The following MED12L variants were observed in gnomAD, a reference collection of about 807,000 sequenced individuals.
The protein encoded by MED12L is mediator of RNA polymerase II transcription subunit 12-like protein.
Under a neutral mutation model 281.3 loss-of-function variants are expected in MED12L, and 60 were observed. The observed-to-expected ratio is 0.21, with a 90% CI of 0.17 to 0.26. MED12L has a LOEUF of 0.26. Ranked by LOEUF, MED12L falls within the 10% of genes least tolerant of loss-of-function variation. The pLI is 1.00. For missense variants in MED12L, 2,146 were observed against 2,680.9 expected, an observed-to-expected ratio of 0.80 and a Z score of 4.41; for synonymous variants, 974 against 987.2, an observed-to-expected ratio of 0.99 and a Z score of 0.25.
At chr3:151,173,447 GAA>G (rs1439816527) in intron 11 of MED12L, among the ~76,000 whole-genome samples, 1 of 151,926 alleles carries the variant, frequency 6.6e-6, no homozygotes, top group African/African-American at 2.4e-5. Flanking sequence ...TGTAATTTTG[GAA>G]AAAAGAGGAA....
chr3:151,328,971 C>T, intron 16 of MED12L: 1 of 1,612,522 alleles, frequency 6.2e-7, no homozygotes, highest in African/African-American at 1.3e-5. Flanking sequence ...CTGTTGAAGC[C>T]TTGCATCACT....
intron 41 of MED12L, 151 bp downstream of exon 41, chr3:151,411,658 TC>T: frequency 1.5e-6 from 1 of 677,302 alleles, no homozygotes. Context: ...TTTAGTAGTA[TC>T]CAGATAGAGG....
At chr3:151,156,431 A>T (rs952685646) in intron 6 of MED12L, 101 bp downstream of exon 6, 55 of 1,116,586 alleles carry the variant, frequency 4.9e-5, no homozygotes, top group Non-Finnish European at 6.8e-5. Context: ...TTTTACATGA[A>T]CCAATACATT....
At chr3:151,125,622 C>A (rs1424215283) in intron 4 of MED12L, among the ~76,000 whole-genome samples, 1 of 152,122 alleles carries the variant, frequency 6.6e-6, no homozygotes, top group East Asian at 1.9e-4. Context: ...ACAGTCTCAC[C>A]TTGACAATGA....
At chr3:151,328,992 T>A in intron 16 of MED12L, 1 of 1,598,258 alleles carries the variant, frequency 6.3e-7, no homozygotes, top group Middle Eastern at 1.7e-4. Flanking sequence ...GTGGTGTTCA[T>A]TGCTTCCAGT....
chr3:151,220,242 G>A (rs375886624), intron 16 of MED12L, among the ~76,000 whole-genome samples: 1 of 151,640 alleles, frequency 6.6e-6, no homozygotes, highest in Non-Finnish European at 1.5e-5. Flanking sequence ...TGAGACTAAT[G>A]TGTGGACTTT....
chr3:151,213,681 TTTCTTTGTGATAGCAG>T, intron 16 of MED12L: 1 of 1,614,172 alleles, frequency 6.2e-7, no homozygotes, highest in Non-Finnish European at 8.5e-7. Flanking sequence ...ACTTAAAGAT[TTTCTTTGTGATAGCAG>T]TATAGAAAAC....
At chr3:151,105,787 G>A (rs1360436945) in intron 2 of MED12L, among the ~76,000 whole-genome samples, 1 of 152,108 alleles carries the variant, frequency 6.6e-6, no homozygotes, top group Non-Finnish European at 1.5e-5. Context: ...CTCTAGACCT[G>A]TATAGCTGAG....
intron 16 of MED12L, among the ~76,000 whole-genome samples, chr3:151,309,141 GCACACACACACACACA>G (rs1553775156): frequency 3.4e-5 from 5 of 147,508 alleles, no homozygotes; most frequent in Non-Finnish European, 3.0e-5. Flanking sequence ...ACACACACAC[GCACACACACACACACA>G]CAACGTTTCT....
chr3:151,201,587 T>C (rs1467735012), intron 16 of MED12L, among the ~76,000 whole-genome samples: 2 of 152,230 alleles, frequency 1.3e-5, no homozygotes, highest in African/African-American at 4.8e-5. Flanking sequence ...TCTGTTCTTA[T>C]TGGTCATCTT....
At chr3:151,095,482 C>T (rs571935168) in intron 2 of MED12L, among the ~76,000 whole-genome samples, 18 of 152,252 alleles carry the variant, frequency 1.2e-4, no homozygotes, top group African/African-American at 4.1e-4. Context: ...GGATTACAAG[C>T]GCATGCCACC....
At chr3:151,217,185 A>G (rs1440160371) in intron 16 of MED12L, among the ~76,000 whole-genome samples, 1 of 152,242 alleles carries the variant, frequency 6.6e-6, no homozygotes, top group Non-Finnish European at 1.5e-5. Context: ...CCTTTTAGAA[A>G]TATTGTAGAA....
At chr3:151,156,740 TACAA>T (rs1372922285) in intron 6 of MED12L, among the ~76,000 whole-genome samples, 3 of 152,138 alleles carry the variant, frequency 2.0e-5, no homozygotes, top group Non-Finnish European at 2.9e-5. Flanking sequence ...CAGCTGAAAA[TACAA>T]ACAGAGCTGA....
intron 36 of MED12L, among the ~76,000 whole-genome samples, chr3:151,387,353 T>A (rs1449293840): frequency 6.6e-6 from 1 of 152,170 alleles, no homozygotes; most frequent in African/African-American, 2.4e-5. Context: ...TCATGCAGAT[T>A]TGGATTGAAG....
chr3:151,171,936 C>T (rs975172330), intron 11 of MED12L, among the ~76,000 whole-genome samples: 1 of 152,160 alleles, frequency 6.6e-6, no homozygotes, highest in African/African-American at 2.4e-5. Flanking sequence ...TGCATGGGGC[C>T]CAGGAGATGC....
At chr3:151,230,472 A>G (rs1490837287) in intron 16 of MED12L, among the ~76,000 whole-genome samples, 1 of 152,162 alleles carries the variant, frequency 6.6e-6, no homozygotes, top group East Asian at 1.9e-4. Flanking sequence ...AAATTCTGAT[A>G]AACACTCCTT....
At chr3:151,300,335 A>G in intron 16 of MED12L, 1 of 581,288 alleles carries the variant, frequency 1.7e-6, no homozygotes, top group Non-Finnish European at 3.1e-6. Flanking sequence ...CACCTGGGCC[A>G]CACAGAGTTG....
At chr3:151,103,597 C>T (rs1426384986) in intron 2 of MED12L, among the ~76,000 whole-genome samples, 1 of 152,156 alleles carries the variant, frequency 6.6e-6, no homozygotes, top group East Asian at 1.9e-4. Context: ...GCTGGTCATA[C>T]AAAAGATCAT....
intron 21 of MED12L, among the ~76,000 whole-genome samples, chr3:151,361,236 CT>C (rs1346201824): frequency 6.6e-6 from 1 of 152,040 alleles, no homozygotes; most frequent in Admixed American, 6.6e-5. Context: ...TACTTTTCCT[CT>C]TTTTTCACAA....
Sources: gnomAD v4.1 joint callset for allele counts (sites outside exome capture counted in the v4.1 genomes callset) on GRCh38, gnomAD v4.1.1 for gene constraint, MANE v1.5 for transcripts, NCBI Gene and HGNC (gene_info 2026-07-23, HGNC 2026-07-21) for gene names.